PCDH7: variants seen among roughly 807,000 people sequenced by gnomAD.
PCDH7 encodes the protein protocadherin 7, also known as protocadherin-7.
PCDH7 carries 17 observed loss-of-function variants against 58.9 expected under a neutral mutation model. The ratio of observed to expected loss-of-function variants is 0.29; its 90% CI spans 0.20 to 0.43. The LOEUF (loss-of-function observed/expected upper bound fraction) is 0.43. Ranked by LOEUF, PCDH7 falls within the 20% of genes least tolerant of loss-of-function variation. PCDH7 has a pLI of 1.00. For synonymous variants in PCDH7, 664 were observed against 616.4 expected, an observed-to-expected ratio of 1.08 and a Z score of -1.14; for missense variants, 1,274 against 1,441.0, an observed-to-expected ratio of 0.88 and a Z score of 1.88.
intron 3 of PCDH7, among the ~76,000 whole-genome samples, chr4:31,117,860 A>T (rs1224011037): frequency 6.6e-6 from 1 of 152,204 alleles, no homozygotes; most frequent in Non-Finnish European, 1.5e-5. Context: ...TCATGAAGGT[A>T]GGTCAGAAGT....
At chr4:30,944,774 G>GT (rs1560523081) in intron 2 of PCDH7, among the ~76,000 whole-genome samples, 2 of 152,064 alleles carry the variant, frequency 1.3e-5, no homozygotes, top group African/African-American at 4.8e-5. Flanking sequence ...GTAAAATCAT[G>GT]TATTAATTAA....
intron 3 of PCDH7, among the ~76,000 whole-genome samples, chr4:31,127,555 A>T (rs1718449443): frequency 6.6e-6 from 1 of 152,196 alleles, no homozygotes; most frequent in African/African-American, 2.4e-5. Flanking sequence ...AGAAGATTTA[A>T]GTGAATTATG....
intron 3 of PCDH7, among the ~76,000 whole-genome samples, chr4:31,124,557 C>T (rs1718071454): frequency 6.6e-6 from 1 of 152,180 alleles, no homozygotes; most frequent in South Asian, 2.1e-4. Flanking sequence ...GAGTGCTCTA[C>T]TACCTTCTTA....
intron 3 of PCDH7, among the ~76,000 whole-genome samples, chr4:31,006,699 C>A (rs760334013): frequency 2.0e-5 from 3 of 151,944 alleles, no homozygotes; most frequent in Non-Finnish European, 2.9e-5. Context: ...TCAAGACCAG[C>A]TTGACCAACA....
At chr4:30,803,621 T>C (rs1725812930) in intron 1 of PCDH7, among the ~76,000 whole-genome samples, 1 of 152,150 alleles carries the variant, frequency 6.6e-6, no homozygotes, top group East Asian at 1.9e-4. Flanking sequence ...TTTTACTTTT[T>C]GTAGAGACAG....
rs953827668 is a variant in PCDH7, at chr4:30,876,074, T to C, written c.71-44079T>C. ...TACTGATGGTGTTCTGTAATATCAGTAAAGCATTAGTCATATGAAATCTGA... is the reference window on the plus strand; with the variant it reads ...TACTGATGGTGTTCTGTAATATCAGCAAAGCATTAGTCATATGAAATCTGA... On this transcript the variant is annotated intron_variant, in intron 1 of 3. Coordinates refer to the PCDH7 transcript ENST00000509759. Among the ~76,000 whole-genome samples, 3 of 152,138 alleles carry C rather than the reference T, an allele frequency of 2.0e-5. No homozygotes were observed. The South Asian group carries it at 6.2e-4, about 31-fold the overall frequency.
intron 3 of PCDH7, among the ~76,000 whole-genome samples, chr4:30,968,554 C>T (rs1749259126): frequency 6.6e-6 from 1 of 151,556 alleles, no homozygotes; most frequent in Non-Finnish European, 1.5e-5. Flanking sequence ...TGCTTCTCAT[C>T]CCTTAACCTT....
intron 3 of PCDH7, among the ~76,000 whole-genome samples, chr4:31,118,607 T>C (rs2109320422): frequency 1.3e-5 from 2 of 152,260 alleles, no homozygotes; most frequent in African/African-American, 4.8e-5. Flanking sequence ...ATTTCAAATC[T>C]GTTTGGGGAT....
chr4:31,009,878 A>G (rs13143690), intron 3 of PCDH7, among the ~76,000 whole-genome samples: 7,049 of 152,028 alleles, frequency 0.046, 418 homozygotes, highest in East Asian at 0.3. Flanking sequence ...GTAAAACTCC[A>G]GAAAGCAATT....
intron 1 of PCDH7, among the ~76,000 whole-genome samples, chr4:30,875,612 T>G (rs1736187709): frequency 6.6e-6 from 1 of 152,112 alleles, no homozygotes; most frequent in Non-Finnish European, 1.5e-5. Flanking sequence ...CTCTCTAGAT[T>G]AATGCATCAG....
intron 3 of PCDH7, among the ~76,000 whole-genome samples, chr4:31,078,780 G>A (rs1230702395): frequency 6.6e-6 from 1 of 151,090 alleles, no homozygotes; most frequent in Non-Finnish European, 1.5e-5. Context: ...CAAATTTGGT[G>A]ATAGGAAGAG....
intron 3 of PCDH7, among the ~76,000 whole-genome samples, chr4:30,950,672 G>T (rs1160398607): frequency 6.6e-6 from 1 of 152,100 alleles, no homozygotes; most frequent in Admixed American, 6.6e-5. Flanking sequence ...ATACTCATCT[G>T]GTTATAGAAA....
intron 2 of PCDH7, among the ~76,000 whole-genome samples, chr4:30,948,040 TTATTTATAAACTCTGC>T (rs1746920869): frequency 6.6e-6 from 1 of 151,842 alleles, no homozygotes; most frequent in Non-Finnish European, 1.5e-5. Context: ...GTTGTTTTGG[TTATTTATAAACTCTGC>T]TATTTATGAA....
At chr4:30,824,887 T>C (rs1399132317) in intron 1 of PCDH7, among the ~76,000 whole-genome samples, 3 of 152,050 alleles carry the variant, frequency 2.0e-5, no homozygotes, top group African/African-American at 7.2e-5. Context: ...CAGTAGATGG[T>C]TTGGGAAGAC....
intron 3 of PCDH7, among the ~76,000 whole-genome samples, chr4:31,108,284 G>A (rs1421554982): frequency 7.2e-6 from 1 of 139,076 alleles, no homozygotes; most frequent in Non-Finnish European, 1.5e-5. Context: ...TTACTAATGA[G>A]AAAATGTGGA....
chr4:30,894,793 G>T (rs1469060512), intron 1 of PCDH7, among the ~76,000 whole-genome samples: 1 of 150,178 alleles, frequency 6.7e-6, no homozygotes, highest in East Asian at 2.0e-4. Flanking sequence ...TTTACGTTGT[G>T]GCTTTGCCCC....
chr4:31,067,416 C>G (rs1368478071), intron 3 of PCDH7, among the ~76,000 whole-genome samples: 4 of 148,976 alleles, frequency 2.7e-5, no homozygotes, highest in African/African-American at 7.4e-5. Context: ...TTAGAAGAAC[C>G]AGTATTTTAG....
intron 3 of PCDH7, among the ~76,000 whole-genome samples, chr4:31,140,296 A>G (rs2109346825): frequency 6.6e-6 from 1 of 152,298 alleles, no homozygotes; most frequent in East Asian, 1.9e-4. Context: ...AGCCACCTGT[A>G]TAAGTCACTG....
At chr4:30,796,694 A>C (rs1217821816) in intron 1 of PCDH7, among the ~76,000 whole-genome samples, 1 of 152,086 alleles carries the variant, frequency 6.6e-6, no homozygotes, top group Non-Finnish European at 1.5e-5. Flanking sequence ...TTAATACGTA[A>C]ATTTTAAATG....
Sources: gnomAD v4.1 joint callset for allele counts (sites outside exome capture counted in the v4.1 genomes callset) on GRCh38, gnomAD v4.1.1 for gene constraint, MANE v1.5 for transcripts, NCBI Gene and HGNC (gene_info 2026-07-23, HGNC 2026-07-21) for gene names.